Variants in MTHFSD observed in about 807,000 individuals in gnomAD.
MTHFSD encodes the protein methenyltetrahydrofolate synthetase domain containing.
MTHFSD carries 37 observed loss-of-function variants against 31.1 expected under a neutral mutation model. That is an observed-to-expected ratio of 1.19 (90% CI 0.91 to 1.56). The LOEUF (loss-of-function observed/expected upper bound fraction) is 1.56. Among genes scored for constraint, MTHFSD ranks in the 40% most tolerant of loss-of-function variants. The probability of loss-of-function intolerance (pLI) is 0.00; values close to 1 mark genes in which losing one functional copy is unlikely to be tolerated. For missense variants in MTHFSD, 664 were observed against 510.1 expected (o/e 1.30, Z -2.91); for synonymous variants, 221 against 206.9 (o/e 1.07, Z -0.59).
rs751056359 is a variant in MTHFSD, at chr16:86,532,135, C to T, written c.1028G>A (p.Arg343His). The part of the protein sequence containing the change: ...PLRLTWQGPR[R>H]RAFLHYPDSA... ...GTCCGGGTAATGGAGGAAGGCTCTG[C>T]GCCGCGGGCCCTGCCAGGTGAGCCG... The change falls in exon 8 of 8, where the codon CGC (arginine) becomes CAC (histidine). Residue 343 changes from arginine to histidine, a missense_variant. Transcript: ENST00000360900. 6.0e-5 allele frequency: 94 copies of T among 1,554,954 alleles called. No individual in the cohort carries two copies. The highest frequency in any genetic ancestry group is 1.7e-4 in the Middle Eastern group (1 of 5,810).
At chr16:86,539,276 T>C (rs1971145485) in intron 7 of MTHFSD, among the ~76,000 whole-genome samples, 1 of 152,080 alleles carries the variant, frequency 6.6e-6, no homozygotes, top group Admixed American at 6.5e-5. Flanking sequence ...CCCGTGGCCA[T>C]AGGGAGACAC....
chr16:86,537,256 C>T (rs1268772330), intron 7 of MTHFSD, among the ~76,000 whole-genome samples: 1 of 152,130 alleles, frequency 6.6e-6, no homozygotes, highest in Non-Finnish European at 1.5e-5. Context: ...ATTTCCTCGC[C>T]GTCTTTTCTC....
chr16:86,546,666 G>A lies in MTHFSD; in HGVS notation c.352-17C>T, dbSNP rs368484410. On this transcript the variant is annotated splice_polypyrimidine_tract_variant and intron_variant, in intron 4 of 7. Coordinates refer to ENST00000360900, the MANE Select transcript of MTHFSD (RefSeq NM_001159377.2). ...CCTCACACCCTGCACACAGAGATAC[G>A]GATTGGAAAACTTCAACTCCAGCTG... 73 of 1,602,884 alleles carry A rather than the reference G, an allele frequency of 4.6e-5. No individual in the cohort carries two copies. The highest frequency in any genetic ancestry group is 4.3e-4 in the South Asian group (39 of 90,836).
chr16:86,535,104 C>G (rs545355085), intron 7 of MTHFSD: 2 of 432,078 alleles, frequency 4.6e-6, no homozygotes, highest in African/African-American at 2.2e-5. Context: ...CTCCTTTATT[C>G]TGAGCCAGCA....
At chr16:86,550,609 C>T (rs941237073) in intron 3 of MTHFSD, among the ~76,000 whole-genome samples, 3 of 152,202 alleles carry the variant, frequency 2.0e-5, no homozygotes, top group Admixed American at 1.3e-4. Context: ...GCAGAGATGG[C>T]TCCCATAGTA....
intron 6 of MTHFSD, 92 bp from the exon 7 acceptor site, chr16:86,541,914 G>C (rs868177699): frequency 6.5e-7 from 1 of 1,546,260 alleles, no homozygotes. Flanking sequence ...AGGCTGGCTA[G>C]AGAAGCACCC....
chr16:86,540,854 T>C, intron 7 of MTHFSD: 2 of 1,075,232 alleles, frequency 1.9e-6, no homozygotes, highest in Non-Finnish European at 2.3e-6. Context: ...AACCGAGGAG[T>C]GCACACCTGG....
chr16:86,549,487 C>T (rs1972826356), intron 3 of MTHFSD, among the ~76,000 whole-genome samples: 2 of 152,240 alleles, frequency 1.3e-5, no homozygotes, highest in Non-Finnish European at 2.9e-5. Context: ...AGTACTTCAA[C>T]ACAGGCAGCT....
rs763785512 is a variant in MTHFSD, at chr16:86,555,150, G to A, written c.16+19C>T. ...CCTCCCCATTCCCAGCCGCCCCGGA[G>A]CCCCGCCAGGCCCCCCACCTGCCCT... On this transcript the variant is annotated intron_variant, in intron 1 of 7. Transcript: ENST00000360900. 1.2e-5 allele frequency: 18 copies of A among 1,534,698 alleles called. No individual in the cohort carries two copies. The Admixed American group carries it at 3.1e-4, about 27-fold the overall frequency.
intron 5 of MTHFSD, among the ~76,000 whole-genome samples, chr16:86,544,288 G>C (rs571551698): frequency 1.8e-3 from 267 of 152,286 alleles, no homozygotes; most frequent in African/African-American, 6.3e-3. Flanking sequence ...AGAGTGAACA[G>C]AGAACCTACA....
intron 1 of MTHFSD, 112 bp downstream of exon 1, chr16:86,555,057 C>A: frequency 6.8e-7 from 1 of 1,477,254 alleles, no homozygotes. Flanking sequence ...CGGCCGCTTC[C>A]GGTGATTCTG....
At chr16:86,541,526 G>T in intron 7 of MTHFSD, 171 bp downstream of exon 7, 1 of 879,218 alleles carries the variant, frequency 1.1e-6, no homozygotes, top group Non-Finnish European at 1.7e-6. Flanking sequence ...AGATTCTTAG[G>T]CCTGGGCCTG....
Position 86,532,138 on chromosome 16 carries a change from C to T in MTHFSD, c.1025G>A (p.Arg342Gln), listed in dbSNP as rs888448407. ...VPLRLTWQGP[R>Q]RRAFLHYPDS... Reference sequence around the variant, plus strand: ...CGGGTAATGGAGGAAGGCTCTGCGCCGCGGGCCCTGCCAGGTGAGCCGCAG... The same window carrying T: ...CGGGTAATGGAGGAAGGCTCTGCGCTGCGGGCCCTGCCAGGTGAGCCGCAG... Residue 342 changes from arginine to glutamine, a missense_variant, in exon 8 of 8, where the codon CGG (arginine) becomes CAG (glutamine). Coordinates refer to ENST00000360900, the MANE Select transcript of MTHFSD (RefSeq NM_001159377.2). The T allele has an allele frequency of 7.1e-6, 11 of 1,558,882 alleles. No homozygotes were observed. The highest frequency in any genetic ancestry group is 2.3e-5 in the East Asian group (1 of 43,140).
intron 7 of MTHFSD, chr16:86,541,012 G>A (rs16941469): frequency 8.5e-7 from 1 of 1,172,456 alleles, no homozygotes; most frequent in Admixed American, 3.5e-5. Flanking sequence ...TGAATGATTT[G>A]GGATTAAAGA....
rs545413882 is a variant in MTHFSD at position 86,545,334 on chromosome 16, A to G, written c.442+1225T>C. On this transcript the variant is annotated intron_variant, in intron 5 of 7. Coordinates refer to ENST00000360900, the MANE Select transcript of MTHFSD (RefSeq NM_001159377.2). ...TATGGTGCAGCTTTCTGTGCTGTTC[A>G]ATTTTCTAAGCAGACACATGGTTAC... Among the ~76,000 whole-genome samples the G allele has an allele frequency of 2.0e-5, 3 of 152,308 alleles. No homozygotes were observed. The South Asian group carries it at 6.2e-4, about 32-fold the overall frequency.
chr16:86,541,189 A>T, intron 7 of MTHFSD: 4 of 1,289,708 alleles, frequency 3.1e-6, no homozygotes, highest in Non-Finnish European at 4.0e-6. Flanking sequence ...AACCTGTGCC[A>T]TTACCTAATC....
chr16:86,537,846 C>G (rs542407529), intron 7 of MTHFSD, among the ~76,000 whole-genome samples: 2 of 152,200 alleles, frequency 1.3e-5, no homozygotes, highest in South Asian at 4.1e-4. Context: ...TAAGCACGAG[C>G]GTGGCTCTGG....
At chr16:86,537,928 A>G (rs546613135) in intron 7 of MTHFSD, among the ~76,000 whole-genome samples, 3 of 152,366 alleles carry the variant, frequency 2.0e-5, no homozygotes, top group African/African-American at 7.2e-5. Context: ...GCCTTGGTCT[A>G]TGGTGTCCTC....
intron 7 of MTHFSD, chr16:86,540,829 C>G (rs79171950): frequency 0.018 from 18,367 of 1,039,042 alleles, 210 homozygotes; most frequent in Middle Eastern, 0.025. Context: ...GTTCCCTCTG[C>G]GTTCATCAGC....
Sources: gnomAD v4.1 joint callset for allele counts (sites outside exome capture counted in the v4.1 genomes callset) on GRCh38, gnomAD v4.1.1 for gene constraint, MANE v1.5 for transcripts, NCBI Gene and HGNC (gene_info 2026-07-23, HGNC 2026-07-21) for gene names.